Variants in THSD4 observed in about 807,000 individuals in gnomAD.
THSD4 encodes thrombospondin type-1 domain-containing protein 4.
Under a neutral mutation model 119.0 loss-of-function variants are expected in THSD4, and 69 were observed. The observed-to-expected ratio is 0.58, with a 90% CI of 0.48 to 0.71. The LOEUF is 0.71. Among genes scored for constraint, THSD4 ranks in the 30% least tolerant of loss-of-function variants. The pLI is 0.00. For synonymous variants in THSD4, 524 were observed against 540.4 expected (o/e 0.97, Z 0.42); for missense variants, 1,393 against 1,391.1 (o/e 1.00, Z -0.02).
At chr15:71,535,067 T>C (rs1253341422) in intron 7 of THSD4, among the ~76,000 whole-genome samples, 1 of 152,250 alleles carries the variant, frequency 6.6e-6, no homozygotes, top group Non-Finnish European at 1.5e-5. Context: ...CTCACCATAG[T>C]ATAACTTTAG....
At chr15:71,434,849 T>G (rs190352989) in intron 7 of THSD4, among the ~76,000 whole-genome samples, 292 of 152,312 alleles carry the variant, frequency 1.9e-3, no homozygotes, top group African/African-American at 6.9e-3. Flanking sequence ...CAGCACATAT[T>G]CTGGGTTTTT....
intron 8 of THSD4, among the ~76,000 whole-genome samples, chr15:71,673,826 G>A (rs1037831437): frequency 9.2e-5 from 14 of 152,016 alleles, no homozygotes; most frequent in African/African-American, 3.1e-4. Flanking sequence ...GCAAGATCTC[G>A]GCTCACTGCA....
intron 6 of THSD4, among the ~76,000 whole-genome samples, chr15:71,384,300 C>A (rs139400081): frequency 0.016 from 2,375 of 152,126 alleles, 71 homozygotes; most frequent in African/African-American, 0.055. Flanking sequence ...ATGGCGTGAA[C>A]CCCGGAGGCG....
intron 7 of THSD4, among the ~76,000 whole-genome samples, chr15:71,486,147 C>G (rs2047813210): frequency 6.6e-6 from 1 of 152,130 alleles, no homozygotes; most frequent in Non-Finnish European, 1.5e-5. Context: ...ACCCTCCCCT[C>G]TATCTCAAAA....
chr15:71,513,780 A>G (rs993329776), intron 7 of THSD4, among the ~76,000 whole-genome samples: 1 of 152,256 alleles, frequency 6.6e-6, no homozygotes, highest in Non-Finnish European at 1.5e-5. Flanking sequence ...GAAACAACGC[A>G]AACATCTATC....
intron 7 of THSD4, among the ~76,000 whole-genome samples, chr15:71,579,964 A>G (rs546076449): frequency 6.5e-4 from 99 of 152,192 alleles, no homozygotes; most frequent in African/African-American, 2.3e-3. Flanking sequence ...TTCACCTAGC[A>G]TTTATTAAGC....
intron 1 of THSD4, among the ~76,000 whole-genome samples, chr15:71,108,820 T>C (rs936131423): frequency 6.6e-6 from 1 of 152,100 alleles, no homozygotes; most frequent in Non-Finnish European, 1.5e-5. Context: ...TGAAACCCCA[T>C]CTCTACTAAA....
At chr15:71,111,042 G>T, upstream of THSD4, 1 of 1,276,968 alleles carries the variant, frequency 7.8e-7, no homozygotes, top group Non-Finnish European at 1.1e-6. Context: ...CTCGGATCCG[G>T]GTGATGCCTC....
intron 8 of THSD4, among the ~76,000 whole-genome samples, chr15:71,701,243 A>T (rs1324038440): frequency 1.3e-5 from 2 of 152,230 alleles, no homozygotes; most frequent in African/African-American, 4.8e-5. Context: ...AAAAGTACCA[A>T]TGATTTTTAA....
chr15:71,725,838 A>G (rs375598425), intron 8 of THSD4, among the ~76,000 whole-genome samples: 145 of 151,946 alleles, frequency 9.5e-4, no homozygotes, highest in African/African-American at 3.5e-3. Context: ...CTGGAGTGCA[A>G]TGGTGCGATC....
At chr15:71,426,422 C>T (rs2046869681) in intron 7 of THSD4, among the ~76,000 whole-genome samples, 1 of 147,866 alleles carries the variant, frequency 6.8e-6, no homozygotes, top group Non-Finnish European at 1.5e-5. Flanking sequence ...TGCTGAATGT[C>T]CATTTCCCTC....
At chr15:71,106,507 A>C (rs2040274798) in intron 1 of THSD4, among the ~76,000 whole-genome samples, 1 of 152,194 alleles carries the variant, frequency 6.6e-6, no homozygotes, top group Admixed American at 6.5e-5. Flanking sequence ...GTAAAGTTGC[A>C]GCCTGCCTGA....
intron 8 of THSD4, among the ~76,000 whole-genome samples, chr15:71,705,736 C>G (rs2052380876): frequency 6.6e-6 from 1 of 152,168 alleles, no homozygotes. Flanking sequence ...ATGACTACAT[C>G]ATGGTCACCT....
rs550414720 is a variant in THSD4 at position 71,332,738 on chromosome 15, CAG to C, written c.1015+76028_1015+76029del. On this transcript the variant is annotated intron_variant, in intron 6 of 17. Coordinates refer to ENST00000261862, the MANE Select transcript of THSD4 (RefSeq NM_024817.3). Reference sequence around the variant, plus strand: ...CATACCTAGAATTATGCCTGATATGCAGAGAGTACTCGCCAAATATTTGAGTG... The same window carrying C: ...CATACCTAGAATTATGCCTGATATGCAGAGTACTCGCCAAATATTTGAGTG... 1.4e-4 allele frequency among the ~76,000 whole-genome samples: 21 copies of C among 152,188 alleles called. 1 individual carries two copies. In the South Asian group the frequency reaches 3.1e-3, roughly 23 times the overall value.
In THSD4 at chr15:71,739,098, G is replaced by GAA. The variant is rs34273398; in HGVS notation, c.1906+1106_1906+1107dup. 5.3e-3 allele frequency among the ~76,000 whole-genome samples: 566 copies of GAA among 106,520 alleles called. 3 individuals are homozygous for GAA. The highest frequency in any genetic ancestry group is 7.5e-3 in the Non-Finnish European group (366 of 48,548). 69.9% of individuals were successfully genotyped at this position (106,520 alleles called of 152,430 possible). On this transcript the variant is annotated intron_variant, in intron 11 of 17. Coordinates refer to ENST00000261862, the MANE Select transcript of THSD4 (RefSeq NM_024817.3). ...CTCATTCTCAAATCTCAGGATTTCA[G>GAA]AAAAAAAAAAAAAAAACAAAACTTT...
intron 6 of THSD4, among the ~76,000 whole-genome samples, chr15:71,259,645 A>C (rs1567172925): frequency 1.3e-5 from 2 of 152,166 alleles, no homozygotes; most frequent in Non-Finnish European, 2.9e-5. Flanking sequence ...AGAGACACTG[A>C]TGCCTAGACC....
intron 7 of THSD4, among the ~76,000 whole-genome samples, chr15:71,534,795 A>G (rs746937963): frequency 1.0e-3 from 154 of 152,300 alleles, no homozygotes; most frequent in Non-Finnish European, 1.7e-3. Context: ...CCTGGCCAAC[A>G]TGGTGAAACC....
intron 7 of THSD4, among the ~76,000 whole-genome samples, chr15:71,500,901 A>G (rs915721395): frequency 1.4e-4 from 21 of 152,200 alleles, no homozygotes; most frequent in African/African-American, 4.1e-4. Context: ...TTTTGAATCC[A>G]GGAAGTGTGA....
intron 7 of THSD4, among the ~76,000 whole-genome samples, chr15:71,480,834 T>C (rs2047719657): frequency 6.6e-6 from 1 of 152,166 alleles, no homozygotes; most frequent in Non-Finnish European, 1.5e-5. Flanking sequence ...GCGCAGTGGA[T>C]AGTAAAATAT....
Sources: gnomAD v4.1 joint callset for allele counts (sites outside exome capture counted in the v4.1 genomes callset) on GRCh38, gnomAD v4.1.1 for gene constraint, MANE v1.5 for transcripts, NCBI Gene and HGNC (gene_info 2026-07-23, HGNC 2026-07-21) for gene names.